UBAC2: variants seen among roughly 807,000 people sequenced by gnomAD.
UBAC2 encodes the protein UBA domain containing 2.
In UBAC2, 26 loss-of-function variants were observed where a neutral mutation model predicts 44.0. The ratio of observed to expected loss-of-function variants is 0.59; its 90% CI spans 0.43 to 0.82. The LOEUF (loss-of-function observed/expected upper bound fraction) is 0.82. Ranked by LOEUF, UBAC2 falls within the 40% of genes least tolerant of loss-of-function variation. The pLI, the probability that UBAC2 is intolerant of heterozygous loss-of-function variation, is 0.00. For synonymous variants in UBAC2, 155 were observed against 154.3 expected (o/e 1.00, Z -0.04); for missense variants, 329 against 419.4 (o/e 0.78, Z 1.88).
chr13:99,247,460 C>T (rs1308016960), intron 4 of UBAC2, among the ~76,000 whole-genome samples: 11 of 149,668 alleles, frequency 7.3e-5, no homozygotes, highest in East Asian at 4.0e-4. Flanking sequence ...GTGATCCGCC[C>T]GCCTCGGCCT....
At chr13:99,338,047 CTTTTTTTTTTTTTT>C in intron 6 of UBAC2, among the ~76,000 whole-genome samples, 2 of 48,866 alleles carry the variant, frequency 4.1e-5, no homozygotes, top group Non-Finnish European at 8.0e-5. Context: ...TTCTTTTTTT[CTTTTTTTTTTTTTT>C]TTTTTTTTTT....
chr13:99,363,581 C>T (rs2045293524), intron 7 of UBAC2, among the ~76,000 whole-genome samples: 1 of 152,242 alleles, frequency 6.6e-6, no homozygotes, highest in African/African-American at 2.4e-5. Flanking sequence ...CAGCACAGGG[C>T]TTCCACCTGA....
At chr13:99,286,277 C>T (rs1023227979) in intron 4 of UBAC2, among the ~76,000 whole-genome samples, 1 of 152,204 alleles carries the variant, frequency 6.6e-6, no homozygotes, top group Non-Finnish European at 1.5e-5. Context: ...TACAAAGCAA[C>T]ATACCTGGAT....
At chr13:99,248,807 G>A (rs1377568137) in intron 4 of UBAC2, among the ~76,000 whole-genome samples, 6 of 152,166 alleles carry the variant, frequency 3.9e-5, no homozygotes, top group African/African-American at 1.2e-4. Context: ...GATTATAGGC[G>A]TGACCACCAT....
intron 4 of UBAC2, among the ~76,000 whole-genome samples, chr13:99,249,137 G>A (rs1254609129): frequency 2.0e-5 from 3 of 152,104 alleles, no homozygotes; most frequent in Non-Finnish European, 4.4e-5. Flanking sequence ...GGTAGTGAGC[G>A]TGGTATCCAG....
At chr13:99,382,114 C>T (rs898836885) in intron 8 of UBAC2, among the ~76,000 whole-genome samples, 7 of 152,074 alleles carry the variant, frequency 4.6e-5, no homozygotes, top group African/African-American at 1.4e-4. Flanking sequence ...TTTGACCTGA[C>T]GTGTTTGACA....
At chr13:99,249,703 T>G in intron 4 of UBAC2, among the ~76,000 whole-genome samples, 1 of 152,188 alleles carries the variant, frequency 6.6e-6, no homozygotes, top group East Asian at 1.9e-4. Context: ...CAACAGTGTA[T>G]AAGTTTCCCT....
At chr13:99,320,247 T>C (rs1018612204) in intron 6 of UBAC2, among the ~76,000 whole-genome samples, 2 of 152,200 alleles carry the variant, frequency 1.3e-5, no homozygotes, top group Non-Finnish European at 2.9e-5. Context: ...CTTTTTAAAA[T>C]CTAAAATTAT....
chr13:99,252,676 GT>G (rs1376347715), intron 4 of UBAC2, among the ~76,000 whole-genome samples: 3 of 152,042 alleles, frequency 2.0e-5, no homozygotes, highest in Non-Finnish European at 4.4e-5. Context: ...ATGTTACATC[GT>G]TTTCCAGAAT....
At chr13:99,208,183 G>A (rs2142647545) in intron 1 of UBAC2, among the ~76,000 whole-genome samples, 1 of 152,102 alleles carries the variant, frequency 6.6e-6, no homozygotes, top group South Asian at 2.1e-4. Context: ...TTTTAGTAGA[G>A]ACGGGGTTTC....
At chr13:99,373,484 A>G (rs2045436730) in intron 8 of UBAC2, among the ~76,000 whole-genome samples, 1 of 152,130 alleles carries the variant, frequency 6.6e-6, no homozygotes, top group South Asian at 2.1e-4. Context: ...TCTGCTCTGC[A>G]CCGGGGCTAA....
intron 8 of UBAC2, among the ~76,000 whole-genome samples, chr13:99,369,623 T>C (rs956360825): frequency 2.0e-5 from 3 of 152,184 alleles, no homozygotes; most frequent in African/African-American, 7.2e-5. Flanking sequence ...GTACAGTGGA[T>C]TTATTGGGAC....
chr13:99,282,230 G>GA (rs200731624), intron 4 of UBAC2, among the ~76,000 whole-genome samples: 4 of 151,876 alleles, frequency 2.6e-5, no homozygotes, highest in African/African-American at 4.8e-5. Context: ...ACACTTGGGG[G>GA]GCAAAATCAC....
At chr13:99,303,514 T>C (rs563296191) in intron 4 of UBAC2, among the ~76,000 whole-genome samples, 90 of 152,358 alleles carry the variant, frequency 5.9e-4, no homozygotes, top group African/African-American at 2.2e-3. Flanking sequence ...AGATGACATA[T>C]GTTTAGAGAA....
intron 4 of UBAC2, among the ~76,000 whole-genome samples, chr13:99,281,574 T>C (rs1417208744): frequency 6.6e-6 from 1 of 152,200 alleles, no homozygotes; most frequent in Non-Finnish European, 1.5e-5. Flanking sequence ...AACTCGCATC[T>C]ACTTTGAGGA....
intron 8 of UBAC2, among the ~76,000 whole-genome samples, chr13:99,376,087 A>G (rs1319895534): frequency 1.3e-5 from 2 of 152,144 alleles, no homozygotes; most frequent in Admixed American, 6.5e-5. Context: ...TTTAAAAATA[A>G]AAAATAAGGA....
intron 4 of UBAC2, among the ~76,000 whole-genome samples, chr13:99,300,328 T>C (rs2044240100): frequency 6.6e-6 from 1 of 152,260 alleles, no homozygotes; most frequent in Non-Finnish European, 1.5e-5. Context: ...GGTAAATGCA[T>C]GCTTTGGATA....
intron 7 of UBAC2, among the ~76,000 whole-genome samples, chr13:99,367,001 T>C (rs1209692023): frequency 6.6e-6 from 1 of 152,236 alleles, no homozygotes; most frequent in African/African-American, 2.4e-5. Context: ...GAAATAGAGA[T>C]TTAAATTAAT....
chr13:99,264,758 C>T (rs976171253), intron 4 of UBAC2, among the ~76,000 whole-genome samples: 9 of 152,180 alleles, frequency 5.9e-5, no homozygotes, highest in Admixed American at 5.9e-4. Flanking sequence ...TGGTCTTCCT[C>T]TGAATTTCTG....
Sources: allele counts gnomAD v4.1 joint callset (sites outside exome capture counted in the v4.1 genomes callset), GRCh38; gene constraint gnomAD v4.1.1; transcripts MANE v1.5; gene names NCBI Gene and HGNC (gene_info 2026-07-23, HGNC 2026-07-21).